IGSF10: variants seen among roughly 807,000 people sequenced by gnomAD.
The protein encoded by IGSF10 is calvaria mechanical force protein 608.
IGSF10 carries 126 observed loss-of-function variants against 128.2 expected under a neutral mutation model. The ratio of observed to expected loss-of-function variants is 0.98; its 90% CI spans 0.85 to 1.14. The LOEUF (loss-of-function observed/expected upper bound fraction) is 1.14. Ranked by LOEUF, IGSF10 falls within the 50% of genes most tolerant of loss-of-function variation. IGSF10 has a pLI of 0.00. For synonymous variants in IGSF10, 1,185 were observed against 1,146.2 expected (o/e 1.03, Z -0.68); for missense variants, 3,295 against 3,149.8 (o/e 1.05, Z -1.10).
chr3:151,503,619 T>A, the IGSF10 span, among the ~76,000 whole-genome samples: 3 of 152,162 alleles, frequency 2.0e-5, no homozygotes, highest in Non-Finnish European at 2.9e-5. Context: ...ACATTTTAAA[T>A]GCCCAGTGGG....
At chr3:151,596,338 A>C in the IGSF10 span, among the ~76,000 whole-genome samples, 1 of 152,222 alleles carries the variant, frequency 6.6e-6, no homozygotes. Flanking sequence ...TAGATGCGTC[A>C]GACATAATGT....
At chr3:151,459,338 T>G (rs1190199156) in intron 2 of IGSF10, among the ~76,000 whole-genome samples, 4 of 152,192 alleles carry the variant, frequency 2.6e-5, no homozygotes, top group African/African-American at 7.2e-5. Flanking sequence ...ATATATAATG[T>G]TTTTTCATTT....
chr3:151,448,566 C>G lies in IGSF10; in HGVS notation c.1415G>C (p.Trp472Ser). 6.2e-7 allele frequency: 1 copy of G among 1,614,138 alleles called. No individual in the cohort carries two copies. The highest frequency in any genetic ancestry group is 8.5e-7 in the Non-Finnish European group (1 of 1,180,026). Residue 472 changes from tryptophan to serine, a missense_variant, in exon 6 of 8, where the codon TGG (tryptophan) becomes TCG (serine). Coordinates refer to ENST00000282466, the MANE Select transcript of IGSF10 (RefSeq NM_178822.5). ...RAEMRPVKHK[W>S]TMISRDNNTK... ...ATTGTTATCCCTTGAAATCATAGTC[C>G]ATTTGTGTTTCACTGGCCTCATCTC...
chr3:151,498,028 C>G, the IGSF10 span, among the ~76,000 whole-genome samples: 2 of 152,198 alleles, frequency 1.3e-5, no homozygotes, highest in East Asian at 1.9e-4. Context: ...GATTTTGTAT[C>G]CTGAGACTTT....
the IGSF10 span, among the ~76,000 whole-genome samples, chr3:151,554,992 C>T: frequency 6.6e-6 from 1 of 152,074 alleles, no homozygotes; most frequent in African/African-American, 2.4e-5. Flanking sequence ...AATTTGGTAT[C>T]CTGAAGCAGA....
At chr3:151,603,491 CTT>C in the IGSF10 span, among the ~76,000 whole-genome samples, 1 of 152,196 alleles carries the variant, frequency 6.6e-6, no homozygotes, top group Non-Finnish European at 1.5e-5. Flanking sequence ...TCTACCAGCT[CTT>C]CTTTCTTTCT....
chr3:151,480,141 C>A, the IGSF10 span, among the ~76,000 whole-genome samples: 137 of 152,208 alleles, frequency 9.0e-4, no homozygotes, highest in African/African-American at 3.2e-3. Flanking sequence ...GCTCTTCTTC[C>A]CCACTAAATC....
At position 151,438,041 on chromosome 3, in the gene IGSF10, A is replaced by C. The variant is rs1316568427; in HGVS notation, c.6520T>G (p.Phe2174Val). ...EVTGDPKPKI[F>V]WLLPSNDMIS... ...ATGTCATTGGAAGGCAGCAACCAAA[A>C]TATTTTTGGTTTGGGATCCCCAGTG... Residue 2174 changes from phenylalanine (F) to valine (V), a missense_variant, in exon 8 of 8, where the codon TTT becomes GTT. Transcript: ENST00000282466. 7 of 1,614,068 alleles carry C rather than the reference A, an allele frequency of 4.3e-6. No homozygotes were observed. Among genetic ancestry groups the C allele is most frequent in the African/African-American group, 1.3e-5 (1 of 74,930 alleles).
Position 151,437,839 on chromosome 3 carries a change from T to C in IGSF10, c.6722A>G (p.Tyr2241Cys). ...GGCTTTAATAACAGTTCTGTTTGTA[T>C]ACAGACCATTGATTAATGGAGGTTT... ...VSKPPLINGL[Y>C]TNRTVIKATA... The change falls in exon 8 of 8, where the codon TAT becomes TGT. Residue 2241 changes from tyrosine (Y) to cysteine (C), a missense_variant. Coordinates refer to ENST00000282466, the MANE Select transcript of IGSF10 (RefSeq NM_178822.5). The C allele has an allele frequency of 6.2e-7, 1 of 1,614,046 alleles. No homozygotes were observed. The highest frequency in any genetic ancestry group is 8.5e-7 in the Non-Finnish European group (1 of 1,179,978).
At chr3:151,490,693 G>A in the IGSF10 span, among the ~76,000 whole-genome samples, 2 of 151,978 alleles carry the variant, frequency 1.3e-5, no homozygotes, top group African/African-American at 4.8e-5. Flanking sequence ...AGACCACAAT[G>A]GTTTGAAATT....
In IGSF10 at chr3:151,453,376, A is replaced by G; in HGVS notation, c.715+8T>C. 6.4e-7 allele frequency: 1 copy of G among 1,567,252 alleles called. No homozygotes were observed. The highest frequency in any genetic ancestry group is 1.2e-5 in the South Asian group (1 of 81,672). ...TAATTGGGACAAAAAAATAAACAAT[A>G]TAGATACCTGGCTTCTCCTGTATCC... On this transcript the variant is annotated splice_region_variant and intron_variant, in intron 5 of 7. Coordinates refer to ENST00000282466, the MANE Select transcript of IGSF10 (RefSeq NM_178822.5).
the IGSF10 span, among the ~76,000 whole-genome samples, chr3:151,561,046 G>C: frequency 5.3e-5 from 8 of 152,244 alleles, no homozygotes; most frequent in African/African-American, 1.9e-4. Flanking sequence ...ATTTCAGAGA[G>C]TATACATTCT....
chr3:151,492,953 T>C, the IGSF10 span, among the ~76,000 whole-genome samples: 1 of 96,954 alleles, frequency 1.0e-5, no homozygotes, highest in South Asian at 2.8e-4. Context: ...TATATGCATA[T>C]GTATATAGTT....
the IGSF10 span, among the ~76,000 whole-genome samples, chr3:151,565,632 TA>T: frequency 1.6e-3 from 245 of 152,218 alleles, no homozygotes; most frequent in African/African-American, 5.6e-3. Flanking sequence ...GGGGAAGTTA[TA>T]AAAACAAACA....
chr3:151,463,320 ATAGT>A (rs1722132160), upstream of IGSF10, among the ~76,000 whole-genome samples: 1 of 152,010 alleles, frequency 6.6e-6, no homozygotes, highest in South Asian at 2.1e-4. Flanking sequence ...AATTACTTTT[ATAGT>A]TAGAGTATAT....
the IGSF10 span, among the ~76,000 whole-genome samples, chr3:151,515,759 G>A: frequency 4.1e-3 from 614 of 150,104 alleles, 4 homozygotes; most frequent in African/African-American, 0.014. Context: ...GTGTTTGTGT[G>A]TATGGTGACT....
chr3:151,509,147 A>T, the IGSF10 span, among the ~76,000 whole-genome samples: 11 of 152,224 alleles, frequency 7.2e-5, no homozygotes, highest in African/African-American at 2.7e-4. Flanking sequence ...GAATCACATC[A>T]TTTGGACTGG....
the IGSF10 span, among the ~76,000 whole-genome samples, chr3:151,593,070 T>C: frequency 6.5e-3 from 987 of 152,312 alleles, 9 homozygotes; most frequent in Non-Finnish European, 0.011. Flanking sequence ...TCTGTCAACA[T>C]TTTATTAATT....
At position 151,453,701 on chromosome 3, in the gene IGSF10, C is replaced by T. The variant is rs768841844; in HGVS notation, c.398G>A (p.Arg133Gln). Reference sequence around the variant, plus strand: ...AATATTGTTGTGGTCCATGTGCAATCGTGTCAAGCTCCTGAGGCCATAAAA... The same window carrying T: ...AATATTGTTGTGGTCCATGTGCAATTGTGTCAAGCTCCTGAGGCCATAAAA... ...DTFYGLRSLT[R>Q]LHMDHNNIEF... Residue 133 changes from arginine to glutamine, a missense_variant, in exon 5 of 8, where the codon CGA becomes CAA. By Grantham distance (43) the Arg-to-Gln change is conservative. Coordinates refer to ENST00000282466, the MANE Select transcript of IGSF10 (RefSeq NM_178822.5). 6.2e-6 allele frequency: 10 copies of T among 1,610,854 alleles called. No homozygotes were observed. In the South Asian group the frequency reaches 8.8e-5, roughly 14 times the overall value.
Sources: allele counts gnomAD v4.1 joint callset (sites outside exome capture counted in the v4.1 genomes callset), GRCh38; gene constraint gnomAD v4.1.1; transcripts MANE v1.5; gene names NCBI Gene and HGNC (gene_info 2026-07-23, HGNC 2026-07-21).